Variants in CHL1 observed in about 807,000 individuals in gnomAD.
CHL1 encodes cell adhesion molecule L1 like.
In CHL1, 96 loss-of-function variants were observed where a neutral mutation model predicts 141.9. That is an observed-to-expected ratio of 0.68 (90% CI 0.57 to 0.80). CHL1 has a LOEUF of 0.80. Among genes scored for constraint, CHL1 ranks in the 30% least tolerant of loss-of-function variants. The pLI is 0.00. For missense variants in CHL1, 1,820 were observed against 1,457.2 expected, an observed-to-expected ratio of 1.25 and a Z score of -4.05; for synonymous variants, 613 against 502.2, an observed-to-expected ratio of 1.22 and a Z score of -2.95.
chr3:214,190 G>A lies in CHL1; in HGVS notation c.-175+17127G>A, dbSNP rs530588246. Among the ~76,000 whole-genome samples the A allele has an allele frequency of 5.3e-5, 8 of 152,286 alleles. No individual in the cohort carries two copies. In the South Asian group the frequency reaches 1.7e-3, roughly 32 times the overall value. ...ACCAAGAAATTAGCTGATCCCAGCA[G>A]AAAAACAGAGCTCCTTCCTTACTTT... On this transcript the variant is annotated intron_variant, in intron 1 of 27. Coordinates refer to ENST00000256509, the MANE Select transcript of CHL1 (RefSeq NM_006614.4).
chr3:218,556 C>G (rs1193631867), intron 1 of CHL1, among the ~76,000 whole-genome samples: 1 of 152,108 alleles, frequency 6.6e-6, no homozygotes, highest in Non-Finnish European at 1.5e-5. Flanking sequence ...GACTTTAGCA[C>G]AAATTCCTGC....
chr3:272,465 G>GACT (rs1162505208), intron 2 of CHL1, among the ~76,000 whole-genome samples: 1 of 152,152 alleles, frequency 6.6e-6, no homozygotes, highest in East Asian at 1.9e-4. Context: ...CTTAACAAGA[G>GACT]ACTATGTTTT....
intron 2 of CHL1, among the ~76,000 whole-genome samples, chr3:245,664 A>G (rs1485886102): frequency 6.6e-6 from 1 of 152,180 alleles, no homozygotes; most frequent in Non-Finnish European, 1.5e-5. Context: ...TTTTCTATGC[A>G]TTTGTTGCAA....
chr3:267,986 A>G (rs1695302368), intron 2 of CHL1, among the ~76,000 whole-genome samples: 1 of 150,602 alleles, frequency 6.6e-6, no homozygotes, highest in African/African-American at 2.5e-5. Flanking sequence ...TTTCCTATGA[A>G]AAACCATGCT....
chr3:323,181 C>G (rs75824170), intron 3 of CHL1, among the ~76,000 whole-genome samples: 5,411 of 152,004 alleles, frequency 0.036, 336 homozygotes, highest in African/African-American at 0.12. Flanking sequence ...TGAAAGTGAA[C>G]CAAGTGAGCC....
chr3:356,973 G>A (rs1436186799), intron 11 of CHL1, among the ~76,000 whole-genome samples: 1 of 152,200 alleles, frequency 6.6e-6, no homozygotes, highest in East Asian at 1.9e-4. Context: ...CTGTGTGATT[G>A]ATACTAGGTA....
chr3:379,119 C>T (rs1706712575), intron 16 of CHL1, among the ~76,000 whole-genome samples: 1 of 151,980 alleles, frequency 6.6e-6, no homozygotes, highest in African/African-American at 2.4e-5. Context: ...CTGTTGGGGC[C>T]ACCTGTTAGG....
chr3:333,652 A>G (rs1448202440), intron 5 of CHL1, among the ~76,000 whole-genome samples: 1 of 152,170 alleles, frequency 6.6e-6, no homozygotes, highest in African/African-American at 2.4e-5. Flanking sequence ...CTCCCATAAT[A>G]CACCAGCCAC....
At chr3:306,584 A>G (rs922175212) in intron 2 of CHL1, among the ~76,000 whole-genome samples, 8 of 152,178 alleles carry the variant, frequency 5.3e-5, no homozygotes, top group African/African-American at 1.9e-4. Flanking sequence ...AGAGGAAAAT[A>G]AGACTAAAGT....
chr3:318,231 G>A (rs1575052831), intron 2 of CHL1, among the ~76,000 whole-genome samples: 2 of 151,904 alleles, frequency 1.3e-5, no homozygotes, highest in Admixed American at 6.6e-5. Flanking sequence ...TTACCAATCG[G>A]TACATATATA....
Position 405,864 on chromosome 3 carries a change from A to AC in CHL1, c.*154dup. 1.7e-6 allele frequency: 1 copy of AC among 602,912 alleles called. No individual in the cohort carries two copies. The highest frequency in any genetic ancestry group is 2.9e-6 in the Non-Finnish European group (1 of 342,652). The allele number at this position is 602,912 out of a possible 1,614,324, so 37.3% of individuals were successfully genotyped here. A position where few individuals can be genotyped will look rare whatever the true frequency, so the allele number is the denominator to read the frequency against. On this transcript the variant is annotated 3_prime_UTR_variant, in exon 28 of 28. Transcript: ENST00000256509. ...CTGCAATTATGTTGAAAAGAGTAGT[A>AC]CTTTCTTCAAAATATAAAATGCCAA...
chr3:323,016 G>T lies in CHL1; in HGVS notation c.92-2943G>T, dbSNP rs535337928. Among the ~76,000 whole-genome samples the T allele has an allele frequency of 2.6e-5, 4 of 152,072 alleles. No individual in the cohort carries two copies. The South Asian group carries it at 8.3e-4, about 32-fold the overall frequency. ...TAACATTCTAGTGAACTGGGAAGTA[G>T]ATATAAAATAATTCTGCTATGCGTC... On this transcript the variant is annotated intron_variant, in intron 3 of 27. Transcript: ENST00000256509.
chr3:395,012 G>A (rs767217626), intron 24 of CHL1, 140 bp downstream of exon 24: 3 of 693,924 alleles, frequency 4.3e-6, no homozygotes, highest in African/African-American at 1.8e-5. Context: ...CTGACCTTCT[G>A]TTTTCCACTG....
intron 26 of CHL1, 52 bp from the exon 27 acceptor site, chr3:401,574 G>C: frequency 1.9e-6 from 2 of 1,050,836 alleles, no homozygotes; most frequent in Non-Finnish European, 2.9e-6. Context: ...CTGGTAAAAT[G>C]TCTTTTAAAT....
chr3:395,453 T>C (rs914845526), intron 24 of CHL1, among the ~76,000 whole-genome samples: 2 of 152,228 alleles, frequency 1.3e-5, no homozygotes, highest in Non-Finnish European at 2.9e-5. Flanking sequence ...CTTTAACCAT[T>C]TCCTTTCCCA....
rs539796094 is a variant in CHL1, at chr3:406,984, C to T, written c.*1273C>T. On this transcript the variant is annotated 3_prime_UTR_variant, in exon 28 of 28. Coordinates refer to ENST00000256509, the MANE Select transcript of CHL1 (RefSeq NM_006614.4). ...TTTGCGTATATGTTATTTTAAACAT[C>T]TTTGTGGTGAGAATTTTTTCCCCGA... The T allele has an allele frequency of 1.3e-5, 2 of 152,114 alleles. No homozygotes were observed. Among genetic ancestry groups the T allele is most frequent in the Admixed American group, 6.6e-5 (1 of 15,252 alleles). The allele number at this position is 152,114 out of a possible 1,614,324, so 9.4% of individuals were successfully genotyped here.
chr3:292,414 T>C (rs946977038), intron 2 of CHL1, among the ~76,000 whole-genome samples: 12 of 152,228 alleles, frequency 7.9e-5, no homozygotes, highest in African/African-American at 2.9e-4. Context: ...TCAGGTTTTA[T>C]AGTCATTCAG....
chr3:215,041 G>A (rs994282099), intron 1 of CHL1, among the ~76,000 whole-genome samples: 2 of 151,726 alleles, frequency 1.3e-5, no homozygotes, highest in Non-Finnish European at 2.9e-5. Context: ...ATTCTCTTAG[G>A]CTATACATTC....
chr3:337,807 A>G (rs183331789), intron 5 of CHL1, among the ~76,000 whole-genome samples: 5 of 152,224 alleles, frequency 3.3e-5, no homozygotes, highest in East Asian at 1.9e-4. Context: ...GGTCTTTACT[A>G]TTGTGAATAG....
Sources: gnomAD v4.1 joint callset for allele counts (sites outside exome capture counted in the v4.1 genomes callset) on GRCh38, gnomAD v4.1.1 for gene constraint, MANE v1.5 for transcripts, NCBI Gene and HGNC (gene_info 2026-07-23, HGNC 2026-07-21) for gene names.